Variants in LAMP5 observed in about 807,000 individuals in gnomAD.
The protein encoded by LAMP5 is lysosome-associated membrane glycoprotein 5.
A neutral mutation model predicts 30.2 loss-of-function variants in LAMP5; 36 were observed. The observed-to-expected ratio is 1.19, with a 90% CI of 0.91 to 1.57. The LOEUF (loss-of-function observed/expected upper bound fraction) is 1.57. LAMP5 is among the 40% of genes most tolerant of loss of function. LAMP5 has a pLI of 0.00. For missense variants in LAMP5, 377 were observed against 354.9 expected (o/e 1.06, Z -0.50); for synonymous variants, 149 against 134.6 (o/e 1.11, Z -0.74).
rs2045021722 is a variant in LAMP5 at position 9,514,757 on chromosome 20, C to T, written c.-96C>T. The T allele has an allele frequency of 1.8e-6, 2 of 1,102,388 alleles. No homozygotes were observed. The highest frequency in any genetic ancestry group is 1.9e-5 in the Admixed American group (1 of 52,302). 68.3% of individuals were successfully genotyped at this position (1,102,388 alleles called of 1,614,324 possible). The stretch of plus-strand genomic sequence containing the variant: ...TCCCCCTTCTCTGTCCCCCGCCTCT[C>T]GCTCACCCCGGCCCACTCCAGCGGC... On this transcript the variant is annotated 5_prime_UTR_variant, in exon 1 of 6. Coordinates refer to ENST00000246070, the MANE Select transcript of LAMP5 (RefSeq NM_012261.4).
chr20:9,517,375 G>A (rs140189288), intron 4 of LAMP5, among the ~76,000 whole-genome samples: 7 of 152,270 alleles, frequency 4.6e-5, no homozygotes, highest in Non-Finnish European at 1.0e-4. Flanking sequence ...TGCCAGGCCC[G>A]TGTGAAATGT....
intron 5 of LAMP5, among the ~76,000 whole-genome samples, chr20:9,522,366 T>C (rs928417664): frequency 1.3e-5 from 2 of 152,208 alleles, no homozygotes; most frequent in African/African-American, 4.8e-5. Context: ...AGCTGTCATG[T>C]CACAAATGCA....
At chr20:9,525,702 G>A (rs73899123) in intron 5 of LAMP5, among the ~76,000 whole-genome samples, 8,954 of 152,166 alleles carry the variant, frequency 0.059, 877 homozygotes, top group African/African-American at 0.2. Flanking sequence ...GGTCAAGGTC[G>A]TTTGGTGCCC....
intron 2 of LAMP5, 21 bp downstream of exon 2, chr20:9,515,646 C>CT (rs763400865): frequency 1.2e-6 from 2 of 1,611,094 alleles, no homozygotes; most frequent in Admixed American, 1.7e-5. Context: ...TTTCCCCCCC[C>CT]TCAGCTTGCT....
At position 9,515,971 on chromosome 20, in the gene LAMP5, G is replaced by T. The variant is rs1239837598; in HGVS notation, c.238-29G>T. The T allele has an allele frequency of 2.7e-6, 4 of 1,482,260 alleles. No individual in the cohort carries two copies. The South Asian group carries it at 5.9e-5, about 22-fold the overall frequency. The allele number at this position is 1,482,260 out of a possible 1,614,324, so 91.8% of individuals were successfully genotyped here. On this transcript the variant is annotated intron_variant, in intron 2 of 5. Coordinates refer to ENST00000246070, the MANE Select transcript of LAMP5 (RefSeq NM_012261.4). Reference sequence around the variant, plus strand: ...CCCCCGCCCCGGGGCCGGGCGAGCTGAGGGGGCGCGGGGCGTCTGTGTTCC... The same window carrying T: ...CCCCCGCCCCGGGGCCGGGCGAGCTTAGGGGGCGCGGGGCGTCTGTGTTCC...
intron 5 of LAMP5, among the ~76,000 whole-genome samples, chr20:9,518,905 G>A (rs1176217793): frequency 3.1e-5 from 3 of 95,878 alleles, no homozygotes; most frequent in South Asian, 6.1e-4. Flanking sequence ...TCCAGGGAGG[G>A]AAGGGTACCT....
intron 5 of LAMP5, among the ~76,000 whole-genome samples, chr20:9,528,535 T>G (rs2045129458): frequency 6.6e-6 from 1 of 152,158 alleles, no homozygotes; most frequent in Non-Finnish European, 1.5e-5. Flanking sequence ...GTGATGAATA[T>G]CTTAAATTCC....
At chr20:9,515,872 G>A in intron 2 of LAMP5, 128 bp from the exon 3 acceptor site, 1 of 1,165,258 alleles carries the variant, frequency 8.6e-7, no homozygotes, top group South Asian at 1.8e-5. Flanking sequence ...GCATGTTCCC[G>A]GAACCTGGGA....
chr20:9,529,356 T>C (rs1041496857), intron 5 of LAMP5, among the ~76,000 whole-genome samples: 1 of 150,084 alleles, frequency 6.7e-6, no homozygotes, highest in Non-Finnish European at 1.5e-5. Flanking sequence ...TTGTGTCTAA[T>C]GGTGAAACTC....
chr20:9,517,664 T>G (rs911664636), intron 4 of LAMP5, among the ~76,000 whole-genome samples: 1 of 150,388 alleles, frequency 6.6e-6, no homozygotes, highest in Non-Finnish European at 1.5e-5. Flanking sequence ...CTCACTATGT[T>G]GCTCAGGCTG....
At chr20:9,520,150 G>C (rs1354217312) in intron 5 of LAMP5, among the ~76,000 whole-genome samples, 2 of 152,214 alleles carry the variant, frequency 1.3e-5, no homozygotes, top group Non-Finnish European at 2.9e-5. Context: ...AATGCAAATA[G>C]AGAAGTCACA....
intron 2 of LAMP5, 66 bp from the exon 3 acceptor site, chr20:9,515,934 C>T: frequency 1.4e-6 from 2 of 1,426,106 alleles, no homozygotes; most frequent in Non-Finnish European, 1.8e-6. Flanking sequence ...TTGGACGCGC[C>T]GCCCTTTACA....
intron 5 of LAMP5, among the ~76,000 whole-genome samples, chr20:9,528,319 T>TGTGC (rs1568946083): frequency 7.3e-6 from 1 of 137,280 alleles, no homozygotes; most frequent in Non-Finnish European, 1.5e-5. Context: ...TGTGTGTGTG[T>TGTGC]GTGCGTGTGT....
intron 4 of LAMP5, 52 bp downstream of exon 4, chr20:9,516,413 G>A (rs2045040492): frequency 7.2e-7 from 1 of 1,393,080 alleles, no homozygotes; most frequent in Non-Finnish European, 1.0e-6. Context: ...TCGCAGAACA[G>A]GCTTGGAGAG....
At chr20:9,514,937 T>G (rs1041290691) in intron 1 of LAMP5, 21 bp downstream of exon 1, 5 of 1,611,328 alleles carry the variant, frequency 3.1e-6, no homozygotes, top group Non-Finnish European at 4.2e-6. Flanking sequence ...ATTTGGCGAC[T>G]GGGAGAGAGG....
At position 9,529,866 on chromosome 20, in the gene LAMP5, C is replaced by A. The variant is rs2045138996; in HGVS notation, c.*46C>A. 3 of 1,575,316 alleles carry A rather than the reference C, an allele frequency of 1.9e-6. No individual in the cohort carries two copies. Among genetic ancestry groups the A allele is most frequent in the Non-Finnish European group, 2.6e-6 (3 of 1,150,708 alleles). On this transcript the variant is annotated 3_prime_UTR_variant, in exon 6 of 6. Transcript: ENST00000246070. ...CCTATTCCTGCTCCCCCAACTGGAT[C>A]AGGTAGAACAACAAAAGCACTTTTC...
intron 5 of LAMP5, among the ~76,000 whole-genome samples, chr20:9,523,587 C>A (rs1306241613): frequency 1.3e-5 from 2 of 152,122 alleles, no homozygotes; most frequent in African/African-American, 4.8e-5. Flanking sequence ...ACAGATTATG[C>A]ATTTATTGTT....
chr20:9,528,906 C>G, intron 5 of LAMP5, among the ~76,000 whole-genome samples: 1 of 152,066 alleles, frequency 6.6e-6, no homozygotes, highest in Admixed American at 6.5e-5. Flanking sequence ...TGAGATGCAC[C>G]CATTTTGTTA....
At position 9,514,900 on chromosome 20, in the gene LAMP5, TCTC is replaced by T. The variant is rs751764909; in HGVS notation, c.51_53del (p.Leu18del). The T allele has an allele frequency of 3.3e-5, 54 of 1,613,980 alleles. No individual in the cohort carries two copies. Among genetic ancestry groups the T allele is most frequent in the Non-Finnish European group, 4.3e-5 (51 of 1,180,012 alleles). On this transcript the variant is annotated inframe_deletion, in exon 1 of 6. Transcript: ENST00000246070. ...TCCCCAGCATCGACAGACTTCGAGT[TCTC>T]CTGATGTTGTTCCGTGAGTAGCGAT...
Sources: allele counts gnomAD v4.1 joint callset (sites outside exome capture counted in the v4.1 genomes callset), GRCh38; gene constraint gnomAD v4.1.1; transcripts MANE v1.5; gene names NCBI Gene and HGNC (gene_info 2026-07-23, HGNC 2026-07-21).